The following AK7 variants were observed in gnomAD, a reference collection of about 807,000 sequenced individuals.
The protein encoded by AK7 is ATP-AMP transphosphorylase 7.
In AK7, 78 loss-of-function variants were observed where a neutral mutation model predicts 96.6. That is an observed-to-expected ratio of 0.81 (90% CI 0.67 to 0.97). The LOEUF is 0.97. Ranked by LOEUF, AK7 falls within the 50% of genes least tolerant of loss-of-function variation. The pLI is 0.00. For missense variants in AK7, 855 were observed against 887.9 expected, an observed-to-expected ratio of 0.96 and a Z score of 0.47; for synonymous variants, 302 against 317.2, an observed-to-expected ratio of 0.95 and a Z score of 0.51.
intron 15 of AK7, 23 bp from the exon 16 acceptor site, chr14:96,482,976 G>T: frequency 1.2e-6 from 2 of 1,611,412 alleles, no homozygotes; most frequent in South Asian, 2.2e-5. Flanking sequence ...AGTATGTGTT[G>T]ATCTCTCTCC....
chr14:96,450,843 C>G (rs911915874), intron 9 of AK7, among the ~76,000 whole-genome samples: 2 of 142,976 alleles, frequency 1.4e-5, no homozygotes. Context: ...GGCGCGATCT[C>G]GGCTCACTGC....
chr14:96,400,105 C>G (rs771703335), intron 2 of AK7, among the ~76,000 whole-genome samples: 3 of 130,548 alleles, frequency 2.3e-5, no homozygotes, highest in Non-Finnish European at 3.1e-5. Context: ...GTGGCGCGAT[C>G]TCGGCTTACT....
chr14:96,477,303 T>C (rs930811164), intron 14 of AK7, among the ~76,000 whole-genome samples: 9 of 152,354 alleles, frequency 5.9e-5, no homozygotes, highest in South Asian at 4.1e-4. Context: ...CCTGTGGGCT[T>C]TCCCCATTAC....
Position 96,451,327 on chromosome 14 carries a change from T to G in AK7, c.949-94T>G, listed in dbSNP as rs547973231. 10 of 1,124,558 alleles carry G rather than the reference T, an allele frequency of 8.9e-6. No individual in the cohort carries two copies. In the African/African-American group the frequency reaches 1.4e-4, roughly 16 times the overall value. The allele number at this position is 1,124,558 out of a possible 1,614,324, so 69.7% of individuals were successfully genotyped here. A position where few individuals can be genotyped will look rare whatever the true frequency, so the allele number is the denominator to read the frequency against. On this transcript the variant is annotated intron_variant, in intron 9 of 17. Transcript: ENST00000267584. ...ACTTCCACGTTTAGTGAATGTATAT[T>G]GTTTTTCTTTAATAACTGTAGTGAT...
At chr14:96,457,996 CT>C in intron 11 of AK7, 86 bp from the exon 12 acceptor site, 5 of 1,557,518 alleles carry the variant, frequency 3.2e-6, no homozygotes, top group Non-Finnish European at 4.3e-6. Flanking sequence ...GGATCCCAAG[CT>C]TTTTCCAGGA....
intron 14 of AK7, among the ~76,000 whole-genome samples, chr14:96,473,618 C>G (rs1401624077): frequency 6.6e-6 from 1 of 151,852 alleles, no homozygotes; most frequent in African/African-American, 2.4e-5. Flanking sequence ...AAGACATTCT[C>G]AAGCATAAAC....
chr14:96,454,255 G>A (rs553255558), intron 10 of AK7, among the ~76,000 whole-genome samples: 1 of 152,158 alleles, frequency 6.6e-6, no homozygotes, highest in Admixed American at 6.6e-5. Flanking sequence ...TTTCATGAGC[G>A]CAATTCTAAA....
chr14:96,405,207 A>G (rs975073357), intron 3 of AK7, among the ~76,000 whole-genome samples: 14 of 152,220 alleles, frequency 9.2e-5, no homozygotes, highest in South Asian at 4.1e-4. Flanking sequence ...AAATAAATAT[A>G]TGTTTTTAAA....
intron 10 of AK7, among the ~76,000 whole-genome samples, chr14:96,453,904 C>T (rs755781362): frequency 6.6e-6 from 1 of 152,080 alleles, no homozygotes; most frequent in African/African-American, 2.4e-5. Flanking sequence ...ATGCACTGCA[C>T]CTCTCCAGGG....
chr14:96,434,097 G>A (rs561459769), intron 5 of AK7, among the ~76,000 whole-genome samples: 2 of 152,308 alleles, frequency 1.3e-5, no homozygotes, highest in East Asian at 1.9e-4. Context: ...TGCTTTCCCG[G>A]TTGGTGTTGA....
intron 6 of AK7, among the ~76,000 whole-genome samples, chr14:96,440,253 G>A (rs949977673): frequency 6.6e-6 from 1 of 152,182 alleles, no homozygotes; most frequent in Non-Finnish European, 1.5e-5. Flanking sequence ...GATTACAGGC[G>A]TGAGCCACCG....
chr14:96,402,272 C>T (rs1330733127), intron 2 of AK7, among the ~76,000 whole-genome samples: 1 of 152,004 alleles, frequency 6.6e-6, no homozygotes, highest in African/African-American at 2.4e-5. Context: ...TCTATTACTA[C>T]AGTCAAAAGC....
intron 12 of AK7, among the ~76,000 whole-genome samples, chr14:96,470,074 T>C (rs1894801586): frequency 6.6e-6 from 1 of 152,034 alleles, no homozygotes; most frequent in Non-Finnish European, 1.5e-5. Flanking sequence ...CACCTTGGCC[T>C]CCCAAAGTGC....
chr14:96,470,958 C>T (rs1327018138), intron 12 of AK7, among the ~76,000 whole-genome samples: 2 of 152,196 alleles, frequency 1.3e-5, no homozygotes, highest in African/African-American at 2.4e-5. Context: ...CATCGGCACT[C>T]GCCCATGCTC....
chr14:96,441,531 C>T (rs149059028), intron 6 of AK7, among the ~76,000 whole-genome samples: 2,537 of 147,772 alleles, frequency 0.017, 74 homozygotes, highest in African/African-American at 0.061. Flanking sequence ...CCCAACTATT[C>T]GGGAAGCTGA....
rs557600849 is a variant in AK7 at position 96,405,006 on chromosome 14, T to C, written c.403+141T>C. On this transcript the variant is annotated intron_variant, in intron 3 of 17. Transcript: ENST00000267584. Reference sequence around the variant, plus strand: ...CTTACCTAAAGTATGAAATCCATGATAATAATATGGATAGATACTTCTGAA... The same window carrying C: ...CTTACCTAAAGTATGAAATCCATGACAATAATATGGATAGATACTTCTGAA... 5.6e-5 allele frequency: 25 copies of C among 449,842 alleles called. No homozygotes were observed. In the South Asian group the frequency reaches 9.8e-4, roughly 18 times the overall value. 27.9% of individuals were successfully genotyped at this position (449,842 alleles called of 1,614,324 possible).
chr14:96,458,953 AT>A (rs1438048715), intron 12 of AK7, among the ~76,000 whole-genome samples: 1 of 95,414 alleles, frequency 1.0e-5, no homozygotes, highest in Non-Finnish European at 2.1e-5. Context: ...AAGTACAGAA[AT>A]TATAACAAAA....
intron 5 of AK7, 129 bp from the exon 6 acceptor site, chr14:96,437,706 A>G: frequency 1.5e-6 from 1 of 651,826 alleles, no homozygotes. Context: ...TGTATCCCGA[A>G]CAATACTCAG....
Position 96,471,481 on chromosome 14 carries a change from A to G in AK7, c.1361A>G (p.Gln454Arg). The G allele has an allele frequency of 7.0e-7, 1 of 1,436,652 alleles. No homozygotes were observed. 89.0% of individuals were successfully genotyped at this position (1,436,652 alleles called of 1,614,324 possible). The change falls in exon 13 of 18, where the codon CAA (glutamine) becomes CGA (arginine). Residue 454 changes from glutamine to arginine, a missense_variant. By Grantham distance (43) the Gln-to-Arg change is conservative (BLOSUM62 1). Coordinates refer to ENST00000267584, the MANE Select transcript of AK7 (RefSeq NM_152327.5). ...TACATATATGTTTTTTTATCAGGTCAACTAGACGATCAATATATAATTAGA... is the reference window on the plus strand; with the variant it reads ...TACATATATGTTTTTTTATCAGGTCGACTAGACGATCAATATATAATTAGA... ...IKESMEQNAG[Q>R]LDDQYIIRFM...
Sources: gnomAD v4.1 joint callset for allele counts (sites outside exome capture counted in the v4.1 genomes callset) on GRCh38, gnomAD v4.1.1 for gene constraint, MANE v1.5 for transcripts, NCBI Gene and HGNC (gene_info 2026-07-23, HGNC 2026-07-21) for gene names.